NREP: variants seen among roughly 807,000 people sequenced by gnomAD.
NREP encodes neuronal regeneration-related protein.
A neutral mutation model predicts 8.6 loss-of-function variants in NREP; 5 were observed. That is an observed-to-expected ratio of 0.58 (90% confidence interval 0.30 to 1.22). The LOEUF (loss-of-function observed/expected upper bound fraction) is 1.22, where lower values mean the gene tolerates loss of function less well. Among genes scored for constraint, NREP ranks in the 50% most tolerant of loss-of-function variants. NREP has a pLI of 0.07. For synonymous variants in NREP, 27 were observed against 28.0 expected, an observed-to-expected ratio of 0.96 and a Z score of 0.11; for missense variants, 86 against 82.5, an observed-to-expected ratio of 1.04 and a Z score of -0.17.
At chr5:111,974,852 T>C (rs1756917169) in intron 2 of NREP, among the ~76,000 whole-genome samples, 2 of 152,206 alleles carry the variant, frequency 1.3e-5, no homozygotes, top group South Asian at 4.1e-4. Flanking sequence ...TTTAAGGCAC[T>C]GCAGAGACAG....
intron 2 of NREP, among the ~76,000 whole-genome samples, chr5:111,888,184 C>G (rs570148230): frequency 9.2e-5 from 14 of 152,282 alleles, no homozygotes; most frequent in East Asian, 5.8e-4. Flanking sequence ...AATTATGAAG[C>G]ATTAATGATT....
intron 2 of NREP, among the ~76,000 whole-genome samples, chr5:111,961,618 T>C (rs1290994388): frequency 1.3e-5 from 2 of 152,276 alleles, no homozygotes; most frequent in East Asian, 1.9e-4. Flanking sequence ...AGAGGAAAAA[T>C]ACTTGCTTTT....
At chr5:111,869,332 G>T (rs1753736136) in intron 2 of NREP, among the ~76,000 whole-genome samples, 1 of 152,086 alleles carries the variant, frequency 6.6e-6, no homozygotes, top group Admixed American at 6.6e-5. Flanking sequence ...ATTTGTTGAA[G>T]TTCCATTTAA....
chr5:111,891,429 G>A (rs1259267223), intron 2 of NREP, among the ~76,000 whole-genome samples: 2 of 152,082 alleles, frequency 1.3e-5, no homozygotes, highest in African/African-American at 4.8e-5. Flanking sequence ...CTTCTTCTGA[G>A]TCTTGAAAAC....
chr5:111,824,451 G>A (rs937536755), intron 2 of NREP, among the ~76,000 whole-genome samples: 1 of 152,276 alleles, frequency 6.6e-6, no homozygotes, highest in Non-Finnish European at 1.5e-5. Flanking sequence ...ATGCAATGAC[G>A]TGCCAAGAAA....
intron 2 of NREP, among the ~76,000 whole-genome samples, chr5:111,814,335 T>A (rs1262011586): frequency 6.6e-6 from 1 of 152,146 alleles, no homozygotes; most frequent in Non-Finnish European, 1.5e-5. Context: ...GAGGCAAACA[T>A]CTGAAAGACA....
intron 2 of NREP, among the ~76,000 whole-genome samples, chr5:111,883,792 C>A (rs540639022): frequency 6.6e-6 from 1 of 152,002 alleles, no homozygotes. Context: ...AAAGACACAA[C>A]ATACCAGAAT....
At chr5:111,945,979 C>CAA (rs1292857527) in intron 2 of NREP, among the ~76,000 whole-genome samples, 2 of 151,808 alleles carry the variant, frequency 1.3e-5, no homozygotes, top group Non-Finnish European at 2.9e-5. Context: ...AGACCCAGGA[C>CAA]ACATTGCCAT....
At chr5:111,954,226 A>T (rs1437136808) in intron 2 of NREP, among the ~76,000 whole-genome samples, 1 of 152,172 alleles carries the variant, frequency 6.6e-6, no homozygotes, top group Non-Finnish European at 1.5e-5. Context: ...CAGGTGAAAG[A>T]GGGATTTTAT....
chr5:111,948,555 A>G (rs1187098330), intron 2 of NREP, among the ~76,000 whole-genome samples: 7 of 152,110 alleles, frequency 4.6e-5, no homozygotes, highest in Admixed American at 6.6e-5. Flanking sequence ...TACCCAGTAG[A>G]GACAAAAACA....
At chr5:111,771,498 C>T (rs1374493020) in intron 2 of NREP, among the ~76,000 whole-genome samples, 5 of 151,944 alleles carry the variant, frequency 3.3e-5, no homozygotes, top group Non-Finnish European at 5.9e-5. Flanking sequence ...TGCGGTGGCT[C>T]ATGCCTGTAA....
chr5:111,910,291 T>C (rs1472399996), intron 2 of NREP, among the ~76,000 whole-genome samples: 2 of 152,002 alleles, frequency 1.3e-5, no homozygotes, highest in Admixed American at 1.3e-4. Context: ...TTTTTCTAAA[T>C]ACAGATTGAA....
chr5:111,933,199 T>C (rs1286175159), intron 2 of NREP, among the ~76,000 whole-genome samples: 2 of 152,114 alleles, frequency 1.3e-5, no homozygotes, highest in East Asian at 3.9e-4. Flanking sequence ...CCAATTTCTC[T>C]CTCCATGCCT....
chr5:111,757,470 T>A, upstream of NREP: 2 of 985,178 alleles, frequency 2.0e-6, no homozygotes, highest in Non-Finnish European at 2.4e-6. Flanking sequence ...AGGGTGCTAG[T>A]GAACAATGAG....
chr5:111,792,570 T>C (rs894465404), intron 2 of NREP, among the ~76,000 whole-genome samples: 6 of 152,298 alleles, frequency 3.9e-5, no homozygotes, highest in African/African-American at 1.4e-4. Context: ...ACAGGACCCA[T>C]GTGCAAAAAG....
intron 2 of NREP, among the ~76,000 whole-genome samples, chr5:111,825,701 C>G (rs956327080): frequency 6.6e-6 from 1 of 152,188 alleles, no homozygotes; most frequent in African/African-American, 2.4e-5. Context: ...ACCACTGCAA[C>G]TGCAGCCCAA....
chr5:111,816,783 T>A (rs1259238266), intron 2 of NREP, among the ~76,000 whole-genome samples: 1 of 151,512 alleles, frequency 6.6e-6, no homozygotes, highest in Non-Finnish European at 1.5e-5. Flanking sequence ...ATATCACAAT[T>A]ATAATATGTA....
At chr5:111,778,957 A>G (rs182491254) in intron 2 of NREP, among the ~76,000 whole-genome samples, 292 of 152,278 alleles carry the variant, frequency 1.9e-3, no homozygotes, top group African/African-American at 6.4e-3. Flanking sequence ...TGGTCCTCGA[A>G]TATCATAGAA....
chr5:111,801,604 T>G (rs1457174228), intron 2 of NREP, among the ~76,000 whole-genome samples: 1 of 152,166 alleles, frequency 6.6e-6, no homozygotes, highest in Non-Finnish European at 1.5e-5. Flanking sequence ...TTGAGCTAGT[T>G]TTGCAGTTTT....
Sources: gnomAD v4.1 joint callset for allele counts (sites outside exome capture counted in the v4.1 genomes callset) on GRCh38, gnomAD v4.1.1 for gene constraint, MANE v1.5 for transcripts, NCBI Gene and HGNC (gene_info 2026-07-23, HGNC 2026-07-21) for gene names.